MTIF2: variants seen among roughly 807,000 people sequenced by gnomAD.
MTIF2 encodes the protein mitochondrial translational initiation factor 2, also known as translation initiation factor IF-2, mitochondrial.
Under a neutral mutation model 83.5 loss-of-function variants are expected in MTIF2, and 71 were observed. The observed-to-expected ratio is 0.85, with a 90% confidence interval of 0.70 to 1.04. The LOEUF is 1.04. MTIF2 is among the 50% of genes least tolerant of loss of function. The probability of loss-of-function intolerance (pLI) is 0.00; values close to 1 mark genes in which losing one functional copy is unlikely to be tolerated. For synonymous variants in MTIF2, 319 were observed against 287.1 expected (o/e 1.11, Z -1.12); for missense variants, 957 against 846.5 (o/e 1.13, Z -1.62).
chr2:55,247,456 G>C (rs1182697950), intron 9 of MTIF2, among the ~76,000 whole-genome samples: 1 of 152,134 alleles, frequency 6.6e-6, no homozygotes, highest in Non-Finnish European at 1.5e-5. Flanking sequence ...AGGAGGCTGA[G>C]ACAGGAAAAT....
chr2:55,253,496 T>A (rs1251027540), intron 7 of MTIF2, among the ~76,000 whole-genome samples: 1 of 151,616 alleles, frequency 6.6e-6, no homozygotes, highest in Non-Finnish European at 1.5e-5. Flanking sequence ...CTGGCCAACA[T>A]GGCAAAACCC....
Position 55,252,470 on chromosome 2 carries a change from A to G in MTIF2, c.841+7T>C. The stretch of plus-strand genomic sequence containing the variant: ...GTAGTAGATCCATTAAGTCAGCCAC[A>G]CAGTACCCTGTGCATCTTTGGCATG... On this transcript the variant is annotated splice_region_variant and intron_variant, in intron 8 of 15. Coordinates refer to ENST00000263629, the MANE Select transcript of MTIF2 (RefSeq NM_002453.3). 6.2e-7 allele frequency: 1 copy of G among 1,613,404 alleles called. No individual in the cohort carries two copies. Among genetic ancestry groups the G allele is most frequent in the South Asian group, 1.1e-5 (1 of 91,012 alleles).
At position 55,247,077 on chromosome 2, in the gene MTIF2, A is replaced by G. The variant is rs187097759; in HGVS notation, c.982-616T>C. On this transcript the variant is annotated intron_variant, in intron 9 of 15. Transcript: ENST00000263629. Reference sequence around the variant, plus strand: ...CACTTCCCTGGATCTCCTTACCTCAACCATAAAATGAAGAAGCTGGAGTGG... The same window carrying G: ...CACTTCCCTGGATCTCCTTACCTCAGCCATAAAATGAAGAAGCTGGAGTGG... 1.1e-4 allele frequency among the ~76,000 whole-genome samples: 17 copies of G among 152,170 alleles called. No homozygotes were observed. In the East Asian group the frequency reaches 2.3e-3, roughly 21 times the overall value.
intron 5 of MTIF2, among the ~76,000 whole-genome samples, chr2:55,257,449 C>A (rs1264409497): frequency 1.3e-5 from 2 of 152,070 alleles, no homozygotes; most frequent in Non-Finnish European, 2.9e-5. Context: ...CCACTGCACT[C>A]CAGCCTGGGC....
rs369310026 is a variant in MTIF2 at position 55,254,833 on chromosome 2, G to T, written c.332-8C>A. Reference sequence around the variant, plus strand: ...AAGCTTCATATACATAATCTGATTGGAATAAAATAAAACCTTTTAGGATCA... The same window carrying T: ...AAGCTTCATATACATAATCTGATTGTAATAAAATAAAACCTTTTAGGATCA... On this transcript the variant is annotated splice_polypyrimidine_tract_variant and splice_region_variant and intron_variant, in intron 5 of 15. Transcript: ENST00000263629. 3.3e-6 allele frequency: 5 copies of T among 1,519,306 alleles called. No homozygotes were observed. The highest frequency in any genetic ancestry group is 4.4e-6 in the Non-Finnish European group (5 of 1,134,190). The allele number at this position is 1,519,306 out of a possible 1,614,324, so 94.1% of individuals were successfully genotyped here.
At position 55,254,192 on chromosome 2, in the gene MTIF2, T is replaced by C; in HGVS notation, c.513A>G (p.Ala171=). 1 of 1,612,114 alleles carries C rather than the reference T, an allele frequency of 6.2e-7. No individual in the cohort carries two copies. The highest frequency in any genetic ancestry group is 8.5e-7 in the Non-Finnish European group (1 of 1,179,504). ...ACCTTGGGGTTAATAAAGCTGGATCTGCCTGGGGCCTACAATTAACAGCAA... is the reference window on the plus strand; with the variant it reads ...ACCTTGGGGTTAATAAAGCTGGATCCGCCTGGGGCCTACAATTAACAGCAA... ...KNKDAVRRPQ[A]DPALLTPRSP... is the part of the protein sequence containing the mutation. Residue 171 remains alanine, a synonymous_variant, in exon 7 of 16, where the codon GCA becomes GCG. Coordinates refer to ENST00000263629, the MANE Select transcript of MTIF2 (RefSeq NM_002453.3).
chr2:55,241,609 G>A (rs1676317525), intron 13 of MTIF2, among the ~76,000 whole-genome samples: 3 of 151,956 alleles, frequency 2.0e-5, no homozygotes, highest in Non-Finnish European at 2.9e-5. Flanking sequence ...TTGGGAGGCC[G>A]AGGTGGGTGG....
At chr2:55,255,086 T>C (rs1284630584) in intron 5 of MTIF2, among the ~76,000 whole-genome samples, 1 of 151,910 alleles carries the variant, frequency 6.6e-6, no homozygotes, top group African/African-American at 2.4e-5. Flanking sequence ...GAATCATCAA[T>C]AAAACATTAA....
intron 15 of MTIF2, 38 bp downstream of exon 15, chr2:55,237,250 C>CT: frequency 6.3e-7 from 1 of 1,584,020 alleles, no homozygotes; most frequent in Non-Finnish European, 8.6e-7. Context: ...GTCTTGGTGA[C>CT]TGGATATGCT....
chr2:55,246,358 G>A lies in MTIF2; in HGVS notation c.1085C>T (p.Ser362Phe). The change falls in exon 10 of 16, where the codon TCT becomes TTT. Residue 362 changes from serine to phenylalanine, a missense_variant. Ser to Phe is a radical substitution (Grantham distance 155). Coordinates refer to ENST00000263629, the MANE Select transcript of MTIF2 (RefSeq NM_002453.3). Reference sequence around the variant, plus strand: ...CTACCCTCTTCCTTTGTCTGTGAAAGACTCTATTACTGTTCCTTCCACTGG... The same window carrying A: ...CTACCCTCTTCCTTTGTCTGTGAAAAACTCTATTACTGTTCCTTCCACTGG... ...NGPVEGTVIE[S>F]FTDKGRGLVT... 1 of 1,613,512 alleles carries A rather than the reference G, an allele frequency of 6.2e-7. No individual in the cohort carries two copies. Among genetic ancestry groups the A allele is most frequent in the Non-Finnish European group, 8.5e-7 (1 of 1,179,618 alleles).
intron 5 of MTIF2, among the ~76,000 whole-genome samples, chr2:55,257,164 A>G (rs1431338241): frequency 1.3e-5 from 2 of 152,176 alleles, no homozygotes; most frequent in Non-Finnish European, 2.9e-5. Context: ...TCACCCTATA[A>G]AAATATATTT....
At chr2:55,259,460 T>C (rs1022422471) in intron 5 of MTIF2, among the ~76,000 whole-genome samples, 7 of 150,618 alleles carry the variant, frequency 4.6e-5, no homozygotes, top group African/African-American at 1.7e-4. Context: ...TAAAGAATTA[T>C]GGTTATGGGT....
chr2:55,256,715 T>A lies in MTIF2; in HGVS notation c.332-1890A>T, dbSNP rs138804478. ...GACTCCATCTCAAAAAAAAAAAAAA[T>A]TTTTTTTGAGACAGGGTCTTACACT... is the stretch of plus-strand genomic sequence containing the variant. On this transcript the variant is annotated intron_variant, in intron 5 of 15. Coordinates refer to ENST00000263629, the MANE Select transcript of MTIF2 (RefSeq NM_002453.3). Among the ~76,000 whole-genome samples, 20 of 80,200 alleles carry A rather than the reference T, an allele frequency of 2.5e-4. 1 individual carries two copies. The highest frequency in any genetic ancestry group is 4.6e-4 in the African/African-American group (10 of 21,768). The allele number at this position is 80,200 out of a possible 152,430, so 52.6% of individuals were successfully genotyped here. A position where few individuals can be genotyped will look rare whatever the true frequency, so the allele number is the denominator to read the frequency against.
At chr2:55,241,184 G>A (rs140103425) in intron 13 of MTIF2, among the ~76,000 whole-genome samples, 47 of 151,606 alleles carry the variant, frequency 3.1e-4, no homozygotes, top group African/African-American at 8.5e-4. Flanking sequence ...TTGGGAGGCC[G>A]AGGTGGGTGG....
In MTIF2 at chr2:55,246,373, C is replaced by T. The variant is rs770271809; in HGVS notation, c.1070G>A (p.Gly357Glu). Reference sequence around the variant, plus strand: ...GTCTGTGAAAGACTCTATTACTGTTCCTTCCACTGGACCATTGGGATCTGC... The same window carrying T: ...GTCTGTGAAAGACTCTATTACTGTTTCTTCCACTGGACCATTGGGATCTGC... ...LKADPNGPVE[G>E]TVIESFTDKG... The change falls in exon 10 of 16, where the codon GGA (glycine) becomes GAA (glutamate). Residue 357 changes from glycine (G) to glutamate (E), a missense_variant. Gly to Glu is a moderately conservative substitution (Grantham distance 98). Around this residue, in one of 3 missense-constraint regions of MTIF2, gnomAD observed 733 missense variants for 648.7 expected, o/e 1.13. Transcript: ENST00000263629. The T allele has an allele frequency of 1.2e-6, 2 of 1,613,930 alleles. No homozygotes were observed. Among genetic ancestry groups the T allele is most frequent in the Admixed American group, 1.7e-5 (1 of 60,008 alleles).
chr2:55,244,647 G>A (rs1284514192), intron 10 of MTIF2, among the ~76,000 whole-genome samples: 1 of 152,160 alleles, frequency 6.6e-6, no homozygotes, highest in Non-Finnish European at 1.5e-5. Flanking sequence ...AGGTGTGGTG[G>A]CTCACGGCTG....
At chr2:55,255,287 T>TA (rs917590202) in intron 5 of MTIF2, among the ~76,000 whole-genome samples, 16 of 150,532 alleles carry the variant, frequency 1.1e-4, no homozygotes, top group African/African-American at 3.9e-4. Flanking sequence ...AGGGGAAATA[T>TA]AGAGTTGGGT....
rs556114021 is a variant in MTIF2 at position 55,240,620 on chromosome 2, C to T, written c.1706-445G>A. 3.9e-4 allele frequency among the ~76,000 whole-genome samples: 59 copies of T among 152,210 alleles called. 1 individual carries two copies. In the South Asian group the frequency reaches 0.012, roughly 30 times the overall value. On this transcript the variant is annotated intron_variant, in intron 13 of 15. Coordinates refer to ENST00000263629, the MANE Select transcript of MTIF2 (RefSeq NM_002453.3). Reference sequence around the variant, plus strand: ...TTAGAGGAGGTTAGAAGGTCTATGACTTTTTTTCTCACCAAAACTAGTACG... The same window carrying T: ...TTAGAGGAGGTTAGAAGGTCTATGATTTTTTTTCTCACCAAAACTAGTACG...
Position 55,254,763 on chromosome 2 carries a change from G to T in MTIF2, c.394C>A (p.His132Asn), listed in dbSNP as rs1170748929. 6.2e-7 allele frequency: 1 copy of T among 1,609,756 alleles called. No homozygotes were observed. The highest frequency in any genetic ancestry group is 1.1e-5 in the South Asian group (1 of 90,564). ...IDIDSLEADSHLDEVWIKEVI... is the reference protein window; with the variant it reads ...IDIDSLEADSNLDEVWIKEVI... Reference sequence around the variant, plus strand: ...TCTTTGATCCAGACTTCATCTAAATGTGAGTCTGCTTCCAGTGAATCTATG... The same window carrying T: ...TCTTTGATCCAGACTTCATCTAAATTTGAGTCTGCTTCCAGTGAATCTATG... Residue 132 changes from histidine (H) to asparagine (N), a missense_variant, in exon 6 of 16, where the codon CAT becomes AAT. Transcript: ENST00000263629.
Sources: allele counts gnomAD v4.1 joint callset (sites outside exome capture counted in the v4.1 genomes callset), GRCh38; gene constraint gnomAD v4.1.1; regional missense constraint gnomAD v4.1.1; transcripts MANE v1.5; gene names NCBI Gene and HGNC (gene_info 2026-07-23, HGNC 2026-07-21).